PARD3: variants seen among roughly 807,000 people sequenced by gnomAD.
PARD3 encodes partitioning defective 3 homolog.
In PARD3, 75 loss-of-function variants were observed where a neutral mutation model predicts 155.4. The ratio of observed to expected loss-of-function variants is 0.48; its 90% CI spans 0.40 to 0.58. The LOEUF is 0.58. Ranked by LOEUF, PARD3 falls within the 20% of genes least tolerant of loss-of-function variation. The pLI is 0.00. For missense variants in PARD3, 1,642 were observed against 1,721.7 expected (o/e 0.95, Z 0.82); for synonymous variants, 576 against 610.5 (o/e 0.94, Z 0.83).
In PARD3 at chr10:34,111,576, C is replaced by T; in HGVS notation, c.3669-14G>A. On this transcript the variant is annotated splice_polypyrimidine_tract_variant and intron_variant, in intron 24 of 24. Transcript: ENST00000374788. ...TTCCTGCTTTGCCTAGAAAGCAAAA[C>T]CCAAAGGTTAGTGTGAGGGTAGGAA... 4 of 1,583,154 alleles carry T rather than the reference C, an allele frequency of 2.5e-6. No individual in the cohort carries two copies. Among genetic ancestry groups the T allele is most frequent in the Non-Finnish European group, 3.4e-6 (4 of 1,160,662 alleles).
Position 34,517,104 on chromosome 10 carries a change from G to T in PARD3, c.278C>A (p.Ala93Asp), listed in dbSNP as rs1472416260. The change falls in exon 3 of 25, where the codon GCC becomes GAC. Residue 93 changes from alanine to aspartate, a missense_variant. This residue lies in a region of PARD3 where 38 missense variants were observed against 69.1 expected (regional missense o/e 0.55). Transcript: ENST00000374788. The part of the protein sequence containing the change: ...DPHHGGDGTS[A>D]SSTGTQSPEI... ...TGGGCTCTGGGTACCCGTGGAACTG[G>T]CACTGGTGCCATCACCTCCGTGATG... The T allele has an allele frequency of 6.2e-7, 1 of 1,614,118 alleles. No homozygotes were observed. The highest frequency in any genetic ancestry group is 1.7e-5 in the Admixed American group (1 of 60,024).
chr10:34,506,239 G>A (rs933727812), intron 3 of PARD3, among the ~76,000 whole-genome samples: 1 of 152,208 alleles, frequency 6.6e-6, no homozygotes, highest in Non-Finnish European at 1.5e-5. Context: ...CAGATCTTGA[G>A]GGGTAATAAG....
At chr10:34,519,584 C>A (rs926320826) in intron 2 of PARD3, among the ~76,000 whole-genome samples, 3 of 152,064 alleles carry the variant, frequency 2.0e-5, no homozygotes, top group Non-Finnish European at 2.9e-5. Flanking sequence ...GAGGCCTAGG[C>A]GGGCGGATCA....
intron 21 of PARD3, among the ~76,000 whole-genome samples, chr10:34,281,672 A>C (rs1265419169): frequency 6.6e-6 from 1 of 152,220 alleles, no homozygotes; most frequent in African/African-American, 2.4e-5. Context: ...CCATCTAAAT[A>C]GATCTTAACA....
chr10:34,574,242 C>G (rs533977613), intron 2 of PARD3, among the ~76,000 whole-genome samples: 135 of 152,284 alleles, frequency 8.9e-4, no homozygotes, highest in Middle Eastern at 3.4e-3. Flanking sequence ...AAAATCATTA[C>G]TTTAAACAAT....
intron 3 of PARD3, among the ~76,000 whole-genome samples, chr10:34,516,083 G>C (rs907499243): frequency 6.6e-6 from 1 of 151,684 alleles, no homozygotes; most frequent in African/African-American, 2.4e-5. Context: ...TCCTGTTTCA[G>C]CCTCCCAAGT....
intron 1 of PARD3, among the ~76,000 whole-genome samples, chr10:34,791,539 A>G (rs1481748931): frequency 6.6e-6 from 1 of 152,142 alleles, no homozygotes; most frequent in African/African-American, 2.4e-5. Flanking sequence ...ACGCGGGGAC[A>G]TGTGGCAAAG....
At chr10:34,461,584 C>T (rs1044637076) in intron 4 of PARD3, among the ~76,000 whole-genome samples, 19 of 151,884 alleles carry the variant, frequency 1.3e-4, no homozygotes, top group African/African-American at 2.9e-4. Context: ...CCAGCCTGGG[C>T]GACAGAGTGA....
At chr10:34,596,166 A>G (rs1391967534) in intron 2 of PARD3, among the ~76,000 whole-genome samples, 1 of 152,184 alleles carries the variant, frequency 6.6e-6, no homozygotes, top group East Asian at 1.9e-4. Context: ...GATGAGATTC[A>G]GCATGCCTGT....
Position 34,375,046 on chromosome 10 carries a change from A to T in PARD3, c.1540-44T>A, listed in dbSNP as rs369939311. ...TTTCAGCTGTAATCCTGTGGAAACAACAGGAAAACACACACACACACACAC... is the reference window on the plus strand; with the variant it reads ...TTTCAGCTGTAATCCTGTGGAAACATCAGGAAAACACACACACACACACAC... On this transcript the variant is annotated intron_variant, in intron 10 of 24. Transcript: ENST00000374788. 3 of 1,360,006 alleles carry T rather than the reference A, an allele frequency of 2.2e-6. No individual in the cohort carries two copies. In the African/African-American group the frequency reaches 4.8e-5, roughly 22 times the overall value. The allele number at this position is 1,360,006 out of a possible 1,614,324, so 84.2% of individuals were successfully genotyped here. A position where few individuals can be genotyped will look rare whatever the true frequency, so the allele number is the denominator to read the frequency against.
intron 22 of PARD3, among the ~76,000 whole-genome samples, chr10:34,207,508 A>ATGGAGTGTCAGAGGTCACTGCAGGC (rs1951536394): frequency 6.6e-6 from 1 of 152,172 alleles, no homozygotes; most frequent in South Asian, 2.1e-4. Context: ...TGGTCCTCAG[A>ATGGAGTGTCAGAGGTCACTGCAGGC]TGGAGTGTCA....
At chr10:34,481,851 G>A (rs2079100019) in intron 3 of PARD3, among the ~76,000 whole-genome samples, 1 of 151,570 alleles carries the variant, frequency 6.6e-6, no homozygotes, top group Non-Finnish European at 1.5e-5. Context: ...TCATTTATTT[G>A]AGACAGGGTC....
At chr10:34,133,238 A>C (rs1947708116) in intron 22 of PARD3, among the ~76,000 whole-genome samples, 1 of 152,128 alleles carries the variant, frequency 6.6e-6, no homozygotes, top group South Asian at 2.1e-4. Flanking sequence ...GAGCTTCAGG[A>C]GCTGCAGGCA....
chr10:34,181,874 C>A (rs1001985493), intron 22 of PARD3, among the ~76,000 whole-genome samples: 1 of 152,080 alleles, frequency 6.6e-6, no homozygotes, highest in African/African-American at 2.4e-5. Context: ...ATTTTAACAT[C>A]AAGATTCTTC....
chr10:34,805,542 CATATATAT>C (rs58820083), intron 1 of PARD3, among the ~76,000 whole-genome samples: 5 of 140,748 alleles, frequency 3.6e-5, no homozygotes, highest in Admixed American at 7.1e-5. Flanking sequence ...CACGTATGTG[CATATATAT>C]ATATATATAT....
chr10:34,367,523 G>GT (rs1306438318), intron 12 of PARD3, among the ~76,000 whole-genome samples: 1 of 152,088 alleles, frequency 6.6e-6, no homozygotes, highest in Non-Finnish European at 1.5e-5. Context: ...GGCCAACATG[G>GT]TGAAACCCCG....
At chr10:34,728,260 T>C (rs1444488175) in intron 1 of PARD3, among the ~76,000 whole-genome samples, 4 of 152,220 alleles carry the variant, frequency 2.6e-5, no homozygotes, top group Non-Finnish European at 4.4e-5. Flanking sequence ...GACAAAATTA[T>C]ATACTGCTTC....
At chr10:34,472,649 C>A (rs575292991) in intron 3 of PARD3, among the ~76,000 whole-genome samples, 2 of 152,332 alleles carry the variant, frequency 1.3e-5, no homozygotes, top group South Asian at 4.1e-4. Context: ...TGTCACCCAT[C>A]TGTATGTAAG....
At position 34,360,097 on chromosome 10, in the gene PARD3, T is replaced by C. The variant is rs1177530662; in HGVS notation, c.1870A>G (p.Ile624Val). The change falls in exon 13 of 25, where the codon ATT becomes GTT. Residue 624 changes from isoleucine (I) to valine (V), a missense_variant. Ile to Val is a conservative substitution (Grantham distance 29). Around this residue, in one of 3 missense-constraint regions of PARD3, gnomAD observed 1,529 missense variants for 1,587.3 expected, o/e 0.96. Transcript: ENST00000374788. ...TTAGATGCTGCTCCTCCATTAATAA[T>C]GGACTTGACAAAGATTCCCAAATCT... Reference protein sequence around the residue: ...HADLGIFVKSIINGGAASKDG... With the variant: ...HADLGIFVKSVINGGAASKDG... The C allele has an allele frequency of 1.2e-5, 20 of 1,614,132 alleles. No individual in the cohort carries two copies. Among genetic ancestry groups the C allele is most frequent in the Non-Finnish European group, 1.7e-5 (20 of 1,179,970 alleles).
Sources: allele counts gnomAD v4.1 joint callset (sites outside exome capture counted in the v4.1 genomes callset), GRCh38; gene constraint gnomAD v4.1.1; regional missense constraint gnomAD v4.1.1; transcripts MANE v1.5; gene names NCBI Gene and HGNC (gene_info 2026-07-23, HGNC 2026-07-21).